The following PDCD10 variants were observed in gnomAD, a reference collection of about 807,000 sequenced individuals.
The protein encoded by PDCD10 is programmed cell death 10.
Under a neutral mutation model 29.2 loss-of-function variants are expected in PDCD10, and 4 were observed. That is an observed-to-expected ratio of 0.14 (90% CI 0.07 to 0.31). PDCD10 has a LOEUF of 0.31. PDCD10 is among the 10% of genes least tolerant of loss of function. The probability of loss-of-function intolerance (pLI) is 1.00; values close to 1 mark genes in which losing one functional copy is unlikely to be tolerated. For missense variants in PDCD10, 183 were observed against 257.9 expected, an observed-to-expected ratio of 0.71 and a Z score of 1.99; for synonymous variants, 70 against 82.2, an observed-to-expected ratio of 0.85 and a Z score of 0.80.
chr3:167,728,236 T>TAA (rs199510641), intron 2 of PDCD10, among the ~76,000 whole-genome samples: 103 of 131,124 alleles, frequency 7.9e-4, no homozygotes, highest in Non-Finnish European at 9.6e-4. Flanking sequence ...CAGTTCTCAA[T>TAA]AAAAAAAAAA....
At chr3:167,731,884 C>T (rs758957599) in intron 2 of PDCD10, among the ~76,000 whole-genome samples, 1 of 152,150 alleles carries the variant, frequency 6.6e-6, no homozygotes, top group Non-Finnish European at 1.5e-5. Context: ...TGAAAACTGA[C>T]TACCAGGTGG....
rs184555792 is a variant in PDCD10, at chr3:167,687,135, A to G, written c.557+99T>C. 1.1e-3 allele frequency: 738 copies of G among 659,862 alleles called. 3 individuals carry two copies. The highest frequency in any genetic ancestry group is 7.9e-3 in the African/African-American group (430 of 54,514). 40.9% of individuals were successfully genotyped at this position (659,862 alleles called of 1,614,324 possible). A position where few individuals can be genotyped will look rare whatever the true frequency, so the allele number is the denominator to read the frequency against. ...TCATTATCAGTTGCCTGGAGTACTA[A>G]TAATAAAATAAAAGGGCTTAATTTA... On this transcript the variant is annotated intron_variant, in intron 8 of 8. Coordinates refer to ENST00000392750, the MANE Select transcript of PDCD10 (RefSeq NM_007217.4).
intron 4 of PDCD10, among the ~76,000 whole-genome samples, chr3:167,700,184 AG>A (rs1253535046): frequency 6.6e-6 from 1 of 152,186 alleles, no homozygotes; most frequent in Non-Finnish European, 1.5e-5. Context: ...TTGCTATTGC[AG>A]TCAGTTCAAG....
At chr3:167,719,965 G>A in intron 3 of PDCD10, 97 bp downstream of exon 3, 1 of 888,766 alleles carries the variant, frequency 1.1e-6, no homozygotes, top group Non-Finnish European at 1.9e-6. Flanking sequence ...GTTCATTCAT[G>A]CTAGTATTTG....
intron 2 of PDCD10, among the ~76,000 whole-genome samples, chr3:167,729,867 T>C (rs1236731757): frequency 6.6e-6 from 1 of 152,186 alleles, no homozygotes; most frequent in Non-Finnish European, 1.5e-5. Context: ...TCCACTGCTG[T>C]TACCCAATAG....
At chr3:167,707,068 A>G (rs1403853740) in intron 3 of PDCD10, among the ~76,000 whole-genome samples, 1 of 152,188 alleles carries the variant, frequency 6.6e-6, no homozygotes, top group Non-Finnish European at 1.5e-5. Context: ...AGTTCCTACC[A>G]TGTACTTGAG....
chr3:167,734,451 A>T (rs1371370460), intron 1 of PDCD10, 101 bp from the exon 2 acceptor site: 2 of 152,560 alleles, frequency 1.3e-5, no homozygotes, highest in Non-Finnish European at 2.9e-5. Flanking sequence ...GGAAAACAGC[A>T]GCCTCACCTC....
chr3:167,699,656 A>C (rs1252756519), intron 4 of PDCD10, among the ~76,000 whole-genome samples: 4 of 152,224 alleles, frequency 2.6e-5, no homozygotes, highest in Admixed American at 2.0e-4. Context: ...GTAAGAAAAA[A>C]ATAAACCGAA....
intron 3 of PDCD10, among the ~76,000 whole-genome samples, chr3:167,708,756 A>C (rs1722248544): frequency 1.3e-5 from 2 of 152,226 alleles, no homozygotes; most frequent in South Asian, 4.1e-4. Context: ...TGTCTGGCAA[A>C]AAAGGTAAGC....
At position 167,730,387 on chromosome 3, in the gene PDCD10, CATA is replaced by C. The variant is rs1724683347; in HGVS notation, c.-117+3824_-117+3826del. ...GCTTAAAATTCTTAGTAACACCTAT[CATA>C]ATGATATTAATTATCCAACAACATA... On this transcript the variant is annotated intron_variant, in intron 2 of 8. Transcript: ENST00000392750. Among the ~76,000 whole-genome samples, 7 of 152,234 alleles carry C rather than the reference CATA, an allele frequency of 4.6e-5. No individual in the cohort carries two copies. The South Asian group carries it at 1.5e-3, about 32-fold the overall frequency.
intron 2 of PDCD10, among the ~76,000 whole-genome samples, 179 bp downstream of exon 2, chr3:167,734,035 C>T (rs911111216): frequency 1.4e-4 from 21 of 152,140 alleles, no homozygotes; most frequent in Admixed American, 1.3e-3. Flanking sequence ...GTAACTTCCT[C>T]CACCCTTTTC....
intron 2 of PDCD10, among the ~76,000 whole-genome samples, chr3:167,726,892 A>T (rs1283938526): frequency 6.6e-6 from 1 of 152,206 alleles, no homozygotes; most frequent in East Asian, 1.9e-4. Context: ...TGAGAGTCAA[A>T]CACTGATATC....
intron 3 of PDCD10, among the ~76,000 whole-genome samples, chr3:167,711,389 AAGAATGCATCAACCTCTTAATAGC>A (rs1333078402): frequency 1.3e-5 from 2 of 152,244 alleles, no homozygotes; most frequent in Non-Finnish European, 2.9e-5. Flanking sequence ...TGGCATACTG[AAGAATGCATCAACCTCTTAATAGC>A]AGAATGCATC....
At chr3:167,697,170 C>G in intron 4 of PDCD10, 44 bp from the exon 5 acceptor site, 1 of 1,076,022 alleles carries the variant, frequency 9.3e-7, no homozygotes, top group Non-Finnish European at 1.4e-6. Context: ...GATAAGGAAT[C>G]AACATTTTAA....
intron 3 of PDCD10, among the ~76,000 whole-genome samples, chr3:167,709,759 G>T (rs1722345500): frequency 2.6e-5 from 4 of 151,686 alleles, no homozygotes; most frequent in African/African-American, 9.7e-5. Context: ...GGGCGACCAA[G>T]GGAATGGATG....
chr3:167,684,535 G>A, intron 8 of PDCD10, 146 bp from the exon 9 acceptor site: 1 of 608,450 alleles, frequency 1.6e-6, no homozygotes, highest in East Asian at 3.0e-5. Context: ...TCCAATTTAG[G>A]ATATAATAGT....
intron 4 of PDCD10, among the ~76,000 whole-genome samples, chr3:167,703,223 T>A (rs1559959345): frequency 6.6e-6 from 1 of 151,926 alleles, no homozygotes; most frequent in Non-Finnish European, 1.5e-5. Context: ...GTCTCCCTAA[T>A]GACCAAATAT....
intron 6 of PDCD10, among the ~76,000 whole-genome samples, chr3:167,691,670 T>C (rs1169768816): frequency 6.6e-6 from 1 of 152,192 alleles, no homozygotes; most frequent in Non-Finnish European, 1.5e-5. Flanking sequence ...AATACTGTTA[T>C]CTCTCTCACG....
At chr3:167,686,298 T>C (rs975460162) in intron 8 of PDCD10, among the ~76,000 whole-genome samples, 1 of 152,192 alleles carries the variant, frequency 6.6e-6, no homozygotes, top group African/African-American at 2.4e-5. Context: ...CAATTATATA[T>C]AAATTAAAAA....
Sources: gnomAD v4.1 joint callset for allele counts (sites outside exome capture counted in the v4.1 genomes callset) on GRCh38, gnomAD v4.1.1 for gene constraint, MANE v1.5 for transcripts, NCBI Gene and HGNC (gene_info 2026-07-23, HGNC 2026-07-21) for gene names.